Variants in ERC1 observed in about 807,000 individuals in gnomAD.
ERC1 encodes the protein RAB6 interacting protein 2.
In ERC1, 56 loss-of-function variants were observed where a neutral mutation model predicts 132.0. The observed-to-expected ratio is 0.42, with a 90% CI of 0.34 to 0.53. The LOEUF is 0.53. Among genes scored for constraint, ERC1 ranks in the 20% least tolerant of loss-of-function variants. The pLI is 0.03. For synonymous variants in ERC1, 478 were observed against 476.1 expected, an observed-to-expected ratio of 1.00 and a Z score of -0.05; for missense variants, 1,202 against 1,349.9, an observed-to-expected ratio of 0.89 and a Z score of 1.72.
intron 17 of ERC1, among the ~76,000 whole-genome samples, chr12:1,417,072 T>C (rs540523097): frequency 1.4e-4 from 22 of 152,316 alleles, no homozygotes; most frequent in African/African-American, 5.1e-4. Flanking sequence ...TCCAGTTTAA[T>C]AGTGTTTCCT....
intron 4 of ERC1, among the ~76,000 whole-genome samples, chr12:1,109,133 G>A (rs187024067): frequency 6.6e-6 from 1 of 152,162 alleles, no homozygotes; most frequent in Non-Finnish European, 1.5e-5. Flanking sequence ...ATTCCATGTA[G>A]GAGTCTTTCT....
At position 1,420,359 on chromosome 12, in the gene ERC1, C is replaced by T. The variant is rs545450507; in HGVS notation, c.3024+12112C>T. 7.9e-5 allele frequency among the ~76,000 whole-genome samples: 12 copies of T among 152,212 alleles called. No homozygotes were observed. The South Asian group carries it at 2.5e-3, about 32-fold the overall frequency. ...AAAAATACTCTGAACCAGGGACTGA[C>T]TTAAATAATTTCCCAACATCAATTA... On this transcript the variant is annotated intron_variant, in intron 17 of 18. Coordinates refer to ENST00000360905, the MANE Select transcript of ERC1 (RefSeq NM_178040.4).
intron 13 of ERC1, among the ~76,000 whole-genome samples, chr12:1,255,829 CG>C (rs1415048738): frequency 6.6e-6 from 1 of 150,684 alleles, no homozygotes; most frequent in Non-Finnish European, 1.5e-5. Context: ...TTAGTAGAGA[CG>C]GGGTTTCACC....
chr12:1,217,902 C>G (rs972280998), intron 12 of ERC1, among the ~76,000 whole-genome samples: 1 of 152,172 alleles, frequency 6.6e-6, no homozygotes, highest in African/African-American at 2.4e-5. Context: ...CTGCCTCTGC[C>G]CTGAGCAGCT....
chr12:1,158,672 C>A (rs555700329), intron 8 of ERC1, among the ~76,000 whole-genome samples: 1 of 150,054 alleles, frequency 6.7e-6, no homozygotes, highest in African/African-American at 2.5e-5. Context: ...AGGCTGGTCT[C>A]GAACTCCCGT....
At chr12:1,252,849 T>C (rs576677212) in intron 13 of ERC1, among the ~76,000 whole-genome samples, 2 of 152,128 alleles carry the variant, frequency 1.3e-5, no homozygotes, top group Non-Finnish European at 2.9e-5. Context: ...ATCTGAGAAG[T>C]TGGTAAATGA....
intron 12 of ERC1, among the ~76,000 whole-genome samples, chr12:1,211,393 C>T (rs1957858359): frequency 6.6e-6 from 1 of 152,128 alleles, no homozygotes; most frequent in Admixed American, 6.5e-5. Context: ...GGTGATCCAC[C>T]CGCCTCGGCC....
chr12:1,046,708 C>T (rs149226898), intron 2 of ERC1, among the ~76,000 whole-genome samples: 1 of 152,080 alleles, frequency 6.6e-6, no homozygotes, highest in African/African-American at 2.4e-5. Flanking sequence ...TTTATGTGCT[C>T]TATGTTATTA....
intron 17 of ERC1, among the ~76,000 whole-genome samples, chr12:1,440,267 C>G (rs1425868315): frequency 7.6e-6 from 1 of 131,788 alleles, no homozygotes; most frequent in African/African-American, 3.1e-5. Context: ...TGCAGTGGTG[C>G]CATCTCGGCT....
rs71293128 is a variant in ERC1, at chr12:1,266,391, C to CTTTTTTTTTT, written c.2619+3248_2619+3257dup. Among the ~76,000 whole-genome samples, 46 of 43,018 alleles carry CTTTTTTTTTT rather than the reference C, an allele frequency of 1.1e-3. 10 individuals carry two copies. The highest frequency in any genetic ancestry group is 1.2e-3 in the Non-Finnish European group (30 of 24,810). The allele number at this position is 43,018 out of a possible 152,430, so 28.2% of individuals were successfully genotyped here. A position where few individuals can be genotyped will look rare whatever the true frequency, so the allele number is the denominator to read the frequency against. On this transcript the variant is annotated intron_variant, in intron 14 of 18. Coordinates refer to ENST00000360905, the MANE Select transcript of ERC1 (RefSeq NM_178040.4). ...TATTATTATTTTTATCGTTTCCTGT[C>CTTTTTTTTTT]TTTTTTTTTTTTTTTTTTTTTTTTT... is the stretch of plus-strand genomic sequence containing the variant.
At chr12:1,094,467 G>A (rs1593249367) in intron 3 of ERC1, among the ~76,000 whole-genome samples, 1 of 147,146 alleles carries the variant, frequency 6.8e-6, no homozygotes, top group South Asian at 2.2e-4. Context: ...CTGGAGTGCA[G>A]TGGTGCGATC....
At chr12:1,140,173 C>T (rs1949734567) in intron 7 of ERC1, among the ~76,000 whole-genome samples, 1 of 152,036 alleles carries the variant, frequency 6.6e-6, no homozygotes, top group Non-Finnish European at 1.5e-5. Flanking sequence ...CCAGTATGGT[C>T]CAACATAATT....
chr12:1,237,822 C>A (rs998547956), intron 13 of ERC1, among the ~76,000 whole-genome samples: 9 of 152,252 alleles, frequency 5.9e-5, no homozygotes, highest in Admixed American at 2.0e-4. Flanking sequence ...TAAGACTAAG[C>A]CACTGCCAGA....
intron 2 of ERC1, among the ~76,000 whole-genome samples, chr12:1,056,278 A>G (rs1179922811): frequency 1.3e-5 from 2 of 152,208 alleles, no homozygotes; most frequent in Admixed American, 1.3e-4. Flanking sequence ...CTGAATATTT[A>G]TATGAATCCT....
At chr12:1,094,413 C>CTA (rs1565950692) in intron 3 of ERC1, among the ~76,000 whole-genome samples, 1 of 67,108 alleles carries the variant, frequency 1.5e-5, no homozygotes, top group Non-Finnish European at 5.9e-5. Flanking sequence ...TTCCTTCTCT[C>CTA]TCTTTTTTTT....
intron 13 of ERC1, among the ~76,000 whole-genome samples, chr12:1,243,331 G>A: frequency 6.6e-6 from 1 of 152,288 alleles, no homozygotes; most frequent in South Asian, 2.1e-4. Context: ...TATTCCAGGG[G>A]AGTGTTAGAA....
chr12:1,083,137 G>C (rs879260245), intron 2 of ERC1, 27 bp from the exon 3 acceptor site: 1 of 1,575,764 alleles, frequency 6.3e-7, no homozygotes, highest in South Asian at 1.2e-5. Context: ...AGCTGATTTG[G>C]GGGTTTTCTT....
At chr12:1,182,381 C>T (rs749744295) in intron 10 of ERC1, among the ~76,000 whole-genome samples, 50 of 152,222 alleles carry the variant, frequency 3.3e-4, no homozygotes, top group Non-Finnish European at 6.6e-4. Flanking sequence ...AGAAAGTTGA[C>T]AGATAAAAGG....
intron 18 of ERC1, among the ~76,000 whole-genome samples, chr12:1,469,174 C>A (rs182248570): frequency 3.7e-4 from 57 of 152,370 alleles, no homozygotes; most frequent in Admixed American, 2.4e-3. Flanking sequence ...TCCTGCAGGG[C>A]TGTGACTCCA....
Sources: gnomAD v4.1 joint callset for allele counts (sites outside exome capture counted in the v4.1 genomes callset) on GRCh38, gnomAD v4.1.1 for gene constraint, MANE v1.5 for transcripts, NCBI Gene and HGNC (gene_info 2026-07-23, HGNC 2026-07-21) for gene names.